ZSWIM5: variants seen among roughly 807,000 people sequenced by gnomAD.
ZSWIM5 encodes the protein zinc finger SWIM-type containing 5.
ZSWIM5 carries 55 observed loss-of-function variants against 119.6 expected under a neutral mutation model. The ratio of observed to expected loss-of-function variants is 0.46; its 90% CI spans 0.37 to 0.58. ZSWIM5 has a LOEUF of 0.58. Ranked by LOEUF, ZSWIM5 falls within the 20% of genes least tolerant of loss-of-function variation. The probability of loss-of-function intolerance (pLI) is 0.00; values close to 1 mark genes in which losing one functional copy is unlikely to be tolerated. For missense variants in ZSWIM5, 1,193 were observed against 1,512.8 expected (o/e 0.79, Z 3.51); for synonymous variants, 537 against 606.9 (o/e 0.88, Z 1.69).
At chr1:45,118,205 CAACT>C (rs1645570342) in intron 1 of ZSWIM5, among the ~76,000 whole-genome samples, 1 of 152,166 alleles carries the variant, frequency 6.6e-6, no homozygotes, top group Non-Finnish European at 1.5e-5. Flanking sequence ...CTTTAAAGTA[CAACT>C]AACTCCACAC....
chr1:45,039,631 C>T (rs942001533), intron 7 of ZSWIM5, among the ~76,000 whole-genome samples: 5 of 151,418 alleles, frequency 3.3e-5, no homozygotes, highest in African/African-American at 4.9e-5. Flanking sequence ...GTGATCCACC[C>T]GATTCACCCT....
chr1:45,040,562 T>C, intron 6 of ZSWIM5, 24 bp from the exon 7 acceptor site: 1 of 1,559,280 alleles, frequency 6.4e-7, no homozygotes, highest in African/African-American at 1.4e-5. Context: ...AGAAGATATT[T>C]TGGTCTAGTT....
At chr1:45,179,877 G>A (rs1412855373) in intron 1 of ZSWIM5, among the ~76,000 whole-genome samples, 1 of 152,160 alleles carries the variant, frequency 6.6e-6, no homozygotes, top group Non-Finnish European at 1.5e-5. Flanking sequence ...ATAAGAGGGA[G>A]GCAAGAGGCT....
At chr1:45,026,849 G>T (rs1029823584) in intron 11 of ZSWIM5, among the ~76,000 whole-genome samples, 2 of 152,112 alleles carry the variant, frequency 1.3e-5, no homozygotes, top group Admixed American at 1.3e-4. Context: ...TGAGCCTGGC[G>T]CTTTCTGTTT....
chr1:45,130,205 AAG>A (rs1645647053), intron 1 of ZSWIM5, among the ~76,000 whole-genome samples: 1 of 152,220 alleles, frequency 6.6e-6, no homozygotes. Context: ...GCATCATAAA[AAG>A]AAATACTGTA....
chr1:45,058,317 G>A (rs1295708865), intron 4 of ZSWIM5, among the ~76,000 whole-genome samples: 1 of 152,190 alleles, frequency 6.6e-6, no homozygotes, highest in Admixed American at 6.5e-5. Flanking sequence ...AGTATTTGGA[G>A]AGCCAGGTTA....
At chr1:45,027,745 C>T (rs1408352074) in intron 11 of ZSWIM5, among the ~76,000 whole-genome samples, 2 of 152,298 alleles carry the variant, frequency 1.3e-5, no homozygotes, top group Non-Finnish European at 1.5e-5. Flanking sequence ...GTGGTGTGAT[C>T]ATGGCTCACT....
chr1:45,195,659 A>G (rs1000397796), intron 1 of ZSWIM5, among the ~76,000 whole-genome samples: 1 of 152,222 alleles, frequency 6.6e-6, no homozygotes, highest in African/African-American at 2.4e-5. Flanking sequence ...ACTTTGGAAT[A>G]AGGCCTCTCC....
In ZSWIM5 at chr1:45,088,495, C is replaced by G. The variant is rs77178679; in HGVS notation, c.596-258G>C. ...ACTGATATGAAAACTTTAGTTTGTA[C>G]GTGTATACATTTTTCTGGGGGTGGG... On this transcript the variant is annotated intron_variant, in intron 1 of 13. Coordinates refer to ENST00000359600, the MANE Select transcript of ZSWIM5 (RefSeq NM_020883.2). This position sits in a 1 kb window ranked among gnomAD's most constrained non-coding sequence, Gnocchi z 4.2. 8.0e-3 allele frequency among the ~76,000 whole-genome samples: 1,216 copies of G among 152,146 alleles called. 20 individuals carry two copies. The highest frequency in any genetic ancestry group is 0.027 in the African/African-American group (1,120 of 41,514).
At chr1:45,114,638 T>C (rs1353848453) in intron 1 of ZSWIM5, among the ~76,000 whole-genome samples, 3 of 151,276 alleles carry the variant, frequency 2.0e-5, no homozygotes, top group Non-Finnish European at 4.4e-5. Flanking sequence ...GTTTGTACTC[T>C]GTATCTTTTT....
chr1:45,193,744 A>C (rs1248021047), intron 1 of ZSWIM5, among the ~76,000 whole-genome samples: 1 of 152,104 alleles, frequency 6.6e-6, no homozygotes, highest in Non-Finnish European at 1.5e-5. Flanking sequence ...AATAATAGTG[A>C]ATATTTACAT....
Position 45,018,777 on chromosome 1 carries a change from G to C in ZSWIM5, c.3235C>G (p.Arg1079Gly). The C allele has an allele frequency of 1.2e-6, 2 of 1,614,238 alleles. No homozygotes were observed. Among genetic ancestry groups the C allele is most frequent in the South Asian group, 1.1e-5 (1 of 91,086 alleles). Reference sequence around the variant, plus strand: ...CCAGGTGCAGTCACTGTGCAGCGTCGTAAGATGTCTGAAAGCACTGTGGCA... The same window carrying C: ...CCAGGTGCAGTCACTGTGCAGCGTCCTAAGATGTCTGAAAGCACTGTGGCA... Reference protein sequence around the residue: ...HCATVLSDILRRCTVTAPGLA... With the variant: ...HCATVLSDILGRCTVTAPGLA... The change falls in exon 14 of 14, where the codon CGA becomes GGA. Residue 1079 changes from arginine (R) to glycine (G), a missense_variant. Coordinates refer to ENST00000359600, the MANE Select transcript of ZSWIM5 (RefSeq NM_020883.2). This position sits in a 1 kb window ranked among gnomAD's most constrained non-coding sequence, Gnocchi z 6.7.
At chr1:45,162,239 C>A (rs1439207234) in intron 1 of ZSWIM5, among the ~76,000 whole-genome samples, 2 of 152,196 alleles carry the variant, frequency 1.3e-5, no homozygotes, top group African/African-American at 4.8e-5. Context: ...CCTGTAATCC[C>A]AGCACTATGG....
At chr1:45,178,071 G>C (rs1173912105) in intron 1 of ZSWIM5, among the ~76,000 whole-genome samples, 2 of 151,956 alleles carry the variant, frequency 1.3e-5, no homozygotes, top group Non-Finnish European at 2.9e-5. Flanking sequence ...AGCATCCTCA[G>C]GTCCTAGGGG....
intron 1 of ZSWIM5, among the ~76,000 whole-genome samples, chr1:45,121,605 TTTTTTTTTTTTTTTGAGACAGGGTC>T (rs1645592896): frequency 7.6e-6 from 1 of 130,838 alleles, no homozygotes; most frequent in African/African-American, 2.9e-5. Context: ...TCTTCTTCTT[TTTTTTTTTTTTTTTGAGACAGGGTC>T]TTGCTGTTGC....
chr1:45,020,027 C>T, intron 13 of ZSWIM5, 39 bp downstream of exon 13: 1 of 1,574,992 alleles, frequency 6.3e-7, no homozygotes, highest in South Asian at 1.1e-5. Flanking sequence ...GGCCTAGAAA[C>T]TCCTTTCCCC....
chr1:45,114,505 GAC>G (rs1645535869), intron 1 of ZSWIM5, among the ~76,000 whole-genome samples: 1 of 152,130 alleles, frequency 6.6e-6, no homozygotes, highest in Non-Finnish European at 1.5e-5. Context: ...AATTAAAGAA[GAC>G]ACGGGTAAAT....
intron 11 of ZSWIM5, among the ~76,000 whole-genome samples, chr1:45,029,546 CT>C (rs199602330): frequency 0.01 from 1,585 of 152,210 alleles, 71 homozygotes; most frequent in Admixed American, 0.086. Context: ...TACATTTTTC[CT>C]TTATGATTGG....
chr1:45,040,405 C>T lies in ZSWIM5; in HGVS notation c.1743G>A (p.Lys581=). The change falls in exon 7 of 14, where the codon AAG becomes AAA. Residue 581 remains lysine (K), a synonymous_variant. Transcript: ENST00000359600. ...TAATTACTATACCTTTCTTCTGATG[C>T]TTGTAGATTTCCAGTTGCCGCTGCT... is the stretch of plus-strand genomic sequence containing the variant. ...LQQQRQLEIY[K]HQKKELLQRG... 6.2e-7 allele frequency: 1 copy of T among 1,610,646 alleles called. No homozygotes were observed. Among genetic ancestry groups the T allele is most frequent in the African/African-American group, 1.3e-5 (1 of 74,980 alleles).
Sources: allele counts gnomAD v4.1 joint callset (sites outside exome capture counted in the v4.1 genomes callset), GRCh38; gene constraint gnomAD v4.1.1; non-coding constraint Gnocchi (gnomAD v3.1); transcripts MANE v1.5; gene names NCBI Gene and HGNC (gene_info 2026-07-23, HGNC 2026-07-21).